RORA: variants seen among roughly 807,000 people sequenced by gnomAD.
RORA encodes RAR related orphan receptor A, also known as nuclear receptor ROR-alpha.
A neutral mutation model predicts 69.5 loss-of-function variants in RORA; 7 were observed. The observed-to-expected ratio is 0.10, with a 90% CI of 0.06 to 0.19. The LOEUF (loss-of-function observed/expected upper bound fraction) is 0.19, where lower values mean the gene tolerates loss of function less well. Among genes scored for constraint, RORA ranks in the 10% least tolerant of loss-of-function variants. The pLI, the probability that RORA is intolerant of heterozygous loss-of-function variation, is 1.00. For missense variants in RORA, 457 were observed against 663.0 expected (o/e 0.69, Z 3.41); for synonymous variants, 261 against 240.8 (o/e 1.08, Z -0.78).
intron 1 of RORA, chr15:60,763,870 CTCCCCAAAGGCTCTCTGAG>C (rs2071938532): frequency 6.6e-6 from 1 of 152,280 alleles, no homozygotes; most frequent in African/African-American, 2.4e-5. Context: ...CGCCGCCCCC[CTCCCCAAAGGCTCTCTGAG>C]GCTGCTCCCT....
intron 1 of RORA, among the ~76,000 whole-genome samples, chr15:60,986,179 G>A (rs1894196482): frequency 6.6e-6 from 1 of 151,920 alleles, no homozygotes; most frequent in African/African-American, 2.4e-5. Context: ...TGTCACCCAG[G>A]CTGGAGTGCA....
intron 1 of RORA, among the ~76,000 whole-genome samples, chr15:61,193,181 C>T (rs2079817021): frequency 6.6e-6 from 1 of 152,170 alleles, no homozygotes. Context: ...TTTGTTTCTA[C>T]CATCCTGAAA....
intron 1 of RORA, among the ~76,000 whole-genome samples, chr15:60,946,161 C>T (rs1052012092): frequency 1.5e-4 from 23 of 152,186 alleles, no homozygotes; most frequent in Admixed American, 1.3e-3. Context: ...CAGCGTCCCC[C>T]ACCCTGAGTG....
At chr15:60,811,264 G>A (rs1567199067) in intron 1 of RORA, among the ~76,000 whole-genome samples, 2 of 152,118 alleles carry the variant, frequency 1.3e-5, no homozygotes, top group South Asian at 2.1e-4. Flanking sequence ...TTAGCCCATC[G>A]ATTTCATTTT....
chr15:60,968,222 G>A (rs897791799), intron 1 of RORA, among the ~76,000 whole-genome samples: 10 of 152,186 alleles, frequency 6.6e-5, no homozygotes, highest in South Asian at 2.1e-4. Context: ...GGGAGCCCCA[G>A]GACTGGAAAC....
chr15:60,635,055 G>T (rs1387013005), intron 2 of RORA, among the ~76,000 whole-genome samples: 1 of 152,208 alleles, frequency 6.6e-6, no homozygotes, highest in South Asian at 2.1e-4. Context: ...AACCCACGGA[G>T]CACGGCCTGC....
chr15:60,539,498 C>T (rs953367511), intron 2 of RORA, among the ~76,000 whole-genome samples: 2 of 152,158 alleles, frequency 1.3e-5, no homozygotes, highest in African/African-American at 2.4e-5. Flanking sequence ...ATCCAGTTCT[C>T]TCTAGAATTC....
chr15:61,050,662 G>A (rs1004145431), intron 1 of RORA, among the ~76,000 whole-genome samples: 26 of 152,180 alleles, frequency 1.7e-4, no homozygotes, highest in African/African-American at 4.6e-4. Context: ...TACACAGGGC[G>A]CAGAGTCACA....
chr15:61,006,212 C>G (rs1453065819), intron 1 of RORA, among the ~76,000 whole-genome samples: 1 of 152,040 alleles, frequency 6.6e-6, no homozygotes, highest in East Asian at 1.9e-4. Context: ...CGTGATCTGC[C>G]CACCTCAGCC....
intron 1 of RORA, among the ~76,000 whole-genome samples, chr15:60,811,704 T>C (rs1014572931): frequency 1.3e-5 from 2 of 152,216 alleles, no homozygotes; most frequent in Non-Finnish European, 2.9e-5. Flanking sequence ...GCATTTATTA[T>C]TACCCACATC....
chr15:60,688,917 G>A (rs990324330), intron 1 of RORA, among the ~76,000 whole-genome samples: 4 of 152,162 alleles, frequency 2.6e-5, no homozygotes, highest in Admixed American at 6.5e-5. Flanking sequence ...AAGGCCTGTG[G>A]AGACCTCTGC....
intron 1 of RORA, among the ~76,000 whole-genome samples, chr15:60,920,205 C>T (rs1356562998): frequency 1.3e-5 from 2 of 152,210 alleles, no homozygotes; most frequent in Non-Finnish European, 2.9e-5. Flanking sequence ...ATCTATGTAT[C>T]TATCTATATA....
chr15:60,725,026 T>A (rs1257090335), intron 1 of RORA, among the ~76,000 whole-genome samples: 2 of 152,232 alleles, frequency 1.3e-5, no homozygotes, highest in African/African-American at 4.8e-5. Context: ...TGGTAAAGCA[T>A]ATGCATTCAG....
intron 1 of RORA, among the ~76,000 whole-genome samples, chr15:60,955,642 C>T (rs1442432545): frequency 6.6e-6 from 1 of 152,100 alleles, no homozygotes; most frequent in African/African-American, 2.4e-5. Flanking sequence ...TTTTGTGAGT[C>T]GATTTTTACA....
Position 60,534,108 on chromosome 15 carries a change from C to A in RORA, c.197-2257G>T, listed in dbSNP as rs1473414064. On this transcript the variant is annotated intron_variant, in intron 2 of 10. Coordinates refer to ENST00000335670, the MANE Select transcript of RORA (RefSeq NM_134261.3). The surrounding 1 kb of genome is among the most constrained non-coding windows in gnomAD (Gnocchi z 5.0). Reference sequence around the variant, plus strand: ...GAAAATGATATGCAGTATTCCTGTACAGTCGGCCTGGACTCACAGTGGATT... The same window carrying A: ...GAAAATGATATGCAGTATTCCTGTAAAGTCGGCCTGGACTCACAGTGGATT... Among the ~76,000 whole-genome samples, 1 of 152,198 alleles carries A rather than the reference C, an allele frequency of 6.6e-6. No homozygotes were observed.
At chr15:60,625,392 C>T (rs999899693) in intron 2 of RORA, among the ~76,000 whole-genome samples, 3 of 152,182 alleles carry the variant, frequency 2.0e-5, no homozygotes, top group African/African-American at 7.2e-5. Flanking sequence ...CCATGAAGGA[C>T]CACTTTGCAA....
intron 2 of RORA, chr15:60,593,523 C>T (rs541853892): frequency 4.6e-5 from 7 of 152,366 alleles, no homozygotes; most frequent in South Asian, 2.1e-4. Context: ...CTTAATTCTT[C>T]TTACTGTCCT....
At chr15:60,565,115 T>C (rs545262997) in intron 2 of RORA, among the ~76,000 whole-genome samples, 102 of 152,324 alleles carry the variant, frequency 6.7e-4, no homozygotes, top group Middle Eastern at 6.8e-3. Context: ...TGTGGGCTGA[T>C]TTTAAGGGAC....
intron 1 of RORA, among the ~76,000 whole-genome samples, chr15:61,044,999 G>C (rs1459485081): frequency 7.9e-5 from 12 of 152,312 alleles, no homozygotes; most frequent in East Asian, 7.7e-4. Context: ...AAATGTGAAG[G>C]GCTGTCCCTG....
Sources: allele counts gnomAD v4.1 joint callset (sites outside exome capture counted in the v4.1 genomes callset), GRCh38; gene constraint gnomAD v4.1.1; non-coding constraint Gnocchi (gnomAD v3.1); transcripts MANE v1.5; gene names NCBI Gene and HGNC (gene_info 2026-07-23, HGNC 2026-07-21).